The following ST14 variants were observed in gnomAD, a reference collection of about 807,000 sequenced individuals.
The protein encoded by ST14 is suppressor of tumorigenicity 14 protein.
ST14 carries 40 observed loss-of-function variants against 96.5 expected under a neutral mutation model. That is an observed-to-expected ratio of 0.41 (90% confidence interval 0.32 to 0.54). The LOEUF (loss-of-function observed/expected upper bound fraction) is 0.54, where lower values mean the gene tolerates loss of function less well. ST14 is among the 20% of genes least tolerant of loss of function. ST14 has a pLI of 0.17. For synonymous variants in ST14, 506 were observed against 492.1 expected (o/e 1.03, Z -0.37); for missense variants, 1,066 against 1,188.9 (o/e 0.90, Z 1.52).
chr11:130,194,752 G>A lies in ST14; in HGVS notation c.1113+15G>A, dbSNP rs597661. The A allele has an allele frequency of 0.82, 1,321,655 of 1,613,186 alleles. 543,596 individuals carry two copies. The highest frequency in any genetic ancestry group is 0.95 in the East Asian group (42,657 of 44,864). ...GGAACATTGAGGTAGGAGCTATGGG[G>A]CGTGTGAACGTGTGTGTGTGTGAGC... On this transcript the variant is annotated intron_variant, in intron 9 of 18. Transcript: ENST00000278742.
intron 18 of ST14, 38 bp downstream of exon 18, chr11:130,209,616 G>A: frequency 6.3e-7 from 1 of 1,577,982 alleles, no homozygotes. Flanking sequence ...GTGGGCCCCG[G>A]GAGAGGCGGG....
At chr11:130,202,138 A>C (rs372029696) in intron 16 of ST14, among the ~76,000 whole-genome samples, 2 of 152,206 alleles carry the variant, frequency 1.3e-5, no homozygotes, top group Admixed American at 1.3e-4. Context: ...AGAGCTAGGA[A>C]ATGGCTGGGT....
chr11:130,161,810 G>A (rs1267144441), intron 1 of ST14, among the ~76,000 whole-genome samples: 1 of 152,198 alleles, frequency 6.6e-6, no homozygotes, highest in Non-Finnish European at 1.5e-5. Context: ...ATGGGTGAAG[G>A]GAAGGCTCTC....
rs191509235 is a variant in ST14, at chr11:130,183,477, G to A, written c.82-4637G>A. ...AGTCCCAGCTACTCAGGAGGCTGAT[G>A]CAGGAGGATTGCTTGAGCCAAGAAT... is the stretch of plus-strand genomic sequence containing the variant. On this transcript the variant is annotated intron_variant, in intron 1 of 18. Transcript: ENST00000278742. Among the ~76,000 whole-genome samples the A allele has an allele frequency of 1.7e-3, 264 of 151,424 alleles. 2 individuals carry two copies. The highest frequency in any genetic ancestry group is 3.1e-3 in the Non-Finnish European group (210 of 67,948).
At position 130,187,741 on chromosome 11, in the gene ST14, C is replaced by T. The variant is rs535767671; in HGVS notation, c.82-373C>T. 3.4e-4 allele frequency among the ~76,000 whole-genome samples: 52 copies of T among 152,086 alleles called. 1 individual carries two copies. The highest frequency in any genetic ancestry group is 7.1e-4 in the Non-Finnish European group (48 of 68,022). The stretch of plus-strand genomic sequence containing the variant: ...ATGGGCCTGGGCTGGGGCCACTCTC[C>T]GGGGCACCCACCTACGTCAAAGGTG... On this transcript the variant is annotated intron_variant, in intron 1 of 18. Transcript: ENST00000278742. The surrounding 1 kb of genome is among the most constrained non-coding windows in gnomAD (Gnocchi z 4.5).
rs202179387 is a variant in ST14 at position 130,194,651 on chromosome 11, C to T, written c.1027C>T (p.Arg343Cys). The change falls in exon 9 of 19, where the codon CGC (arginine) becomes TGC (cysteine). Residue 343 changes from arginine to cysteine, a missense_variant. Transcript: ENST00000278742. Reference sequence around the variant, plus strand: ...ACCTTCCCTCTCAGGCTGTGGAGGCCGCTTACGTAAAGCCCAGGGGACATT... The same window carrying T: ...ACCTTCCCTCTCAGGCTGTGGAGGCTGCTTACGTAAAGCCCAGGGGACATT... ...QLPRMSSCGG[R>C]LRKAQGTFNS... The T allele has an allele frequency of 1.7e-5, 28 of 1,614,170 alleles. No homozygotes were observed. In the East Asian group the frequency reaches 2.7e-4, roughly 15 times the overall value.
intron 1 of ST14, among the ~76,000 whole-genome samples, chr11:130,163,194 G>A (rs965670991): frequency 6.6e-6 from 1 of 152,078 alleles, no homozygotes; most frequent in Non-Finnish European, 1.5e-5. Context: ...CCTCACAGAG[G>A]AGCCATCCTG....
intron 7 of ST14, among the ~76,000 whole-genome samples, chr11:130,192,432 A>T (rs1363081261): frequency 6.6e-6 from 1 of 152,242 alleles, no homozygotes; most frequent in African/African-American, 2.4e-5. Context: ...TCTGTCGCCC[A>T]GGCTGGAGTG....
At chr11:130,203,856 G>A (rs1342346078) in intron 16 of ST14, among the ~76,000 whole-genome samples, 2 of 152,182 alleles carry the variant, frequency 1.3e-5, no homozygotes, top group Non-Finnish European at 2.9e-5. Flanking sequence ...GTTTCACCAT[G>A]TTAGCCAGGC....
At chr11:130,204,047 CTTCGT>C (rs1255957521) in intron 16 of ST14, among the ~76,000 whole-genome samples, 4 of 152,210 alleles carry the variant, frequency 2.6e-5, no homozygotes, top group Admixed American at 1.3e-4. Context: ...TCATAACTCA[CTTCGT>C]TTCCGGACTC....
chr11:130,185,855 C>T lies in ST14; in HGVS notation c.82-2259C>T, dbSNP rs572193769. On this transcript the variant is annotated intron_variant, in intron 1 of 18. Coordinates refer to ENST00000278742, the MANE Select transcript of ST14 (RefSeq NM_021978.4). ...CAGAGTTTTACCCTGTCACCCAGGC[C>T]GGAGTTCAGTGGCGCAATCTCAGCT... Among the ~76,000 whole-genome samples, 11 of 152,054 alleles carry T rather than the reference C, an allele frequency of 7.2e-5. No homozygotes were observed. The South Asian group carries it at 1.0e-3, about 14-fold the overall frequency.
In ST14 at chr11:130,198,931, C is replaced by T; in HGVS notation, c.1685-16C>T. 6.2e-7 allele frequency: 1 copy of T among 1,613,814 alleles called. No individual in the cohort carries two copies. Among genetic ancestry groups the T allele is most frequent in the Non-Finnish European group, 8.5e-7 (1 of 1,179,948 alleles). Reference sequence around the variant, plus strand: ...CAGAGGAATTGAGCCCCTCCCTTGTCCTCCTCCTTGAACAGTGAACGTCGT... The same window carrying T: ...CAGAGGAATTGAGCCCCTCCCTTGTTCTCCTCCTTGAACAGTGAACGTCGT... On this transcript the variant is annotated splice_polypyrimidine_tract_variant and intron_variant, in intron 14 of 18. Coordinates refer to ENST00000278742, the MANE Select transcript of ST14 (RefSeq NM_021978.4).
At chr11:130,190,019 T>G in intron 5 of ST14, 94 bp from the exon 6 acceptor site, 5 of 1,610,942 alleles carry the variant, frequency 3.1e-6, no homozygotes, top group Non-Finnish European at 4.2e-6. Flanking sequence ...GAAGACTACG[T>G]GCTGGCCGGG....
intron 16 of ST14, among the ~76,000 whole-genome samples, chr11:130,203,076 T>A (rs1591895684): frequency 6.6e-6 from 1 of 152,108 alleles, no homozygotes; most frequent in African/African-American, 2.4e-5. Context: ...GACTTACCGA[T>A]TGGCTGGGTT....
At chr11:130,161,197 C>A (rs1238015234) in intron 1 of ST14, among the ~76,000 whole-genome samples, 1 of 152,168 alleles carries the variant, frequency 6.6e-6, no homozygotes, top group African/African-American at 2.4e-5. Context: ...CTGGGCTCTG[C>A]TATTTTCTCC....
At position 130,198,500 on chromosome 11, in the gene ST14, C is replaced by T; in HGVS notation, c.1571-8C>T. 1 of 1,613,522 alleles carries T rather than the reference C, an allele frequency of 6.2e-7. No homozygotes were observed. The highest frequency in any genetic ancestry group is 1.7e-4 in the Middle Eastern group (1 of 6,060). On this transcript the variant is annotated splice_polypyrimidine_tract_variant and splice_region_variant and intron_variant, in intron 13 of 18. Transcript: ENST00000278742. ...GCTCCTGGTGGCTGAGTCCTGGTGC[C>T]TCTCCAGGTTGTCCGGCCCAGACCT...
rs945032210 is a variant in ST14, at chr11:130,187,662, C to T, written c.82-452C>T. Among the ~76,000 whole-genome samples, 2 of 151,970 alleles carry T rather than the reference C, an allele frequency of 1.3e-5. No homozygotes were observed. The highest frequency in any genetic ancestry group is 2.1e-4 in the South Asian group (1 of 4,812). ...GATTGAATCTGGTAGGGGCTGTGTC[C>T]GAGGGAGCAGGGCCTGCTCCTAGAA... On this transcript the variant is annotated intron_variant, in intron 1 of 18. Coordinates refer to ENST00000278742, the MANE Select transcript of ST14 (RefSeq NM_021978.4). This position sits in a 1 kb window ranked among gnomAD's most constrained non-coding sequence, Gnocchi z 4.5.
chr11:130,196,837 T>C (rs1275026678), intron 11 of ST14, 137 bp downstream of exon 11: 12 of 1,356,834 alleles, frequency 8.8e-6, no homozygotes, highest in Admixed American at 3.6e-5. Context: ...CTCCCGTAGC[T>C]TTGGGAGGAA....
intron 11 of ST14, 181 bp downstream of exon 11, chr11:130,196,881 G>T: frequency 1.1e-6 from 1 of 901,084 alleles, no homozygotes; most frequent in Non-Finnish European, 1.7e-6. Context: ...ATGAAAGCAG[G>T]CTGGCTGTGA....
Sources: allele counts gnomAD v4.1 joint callset (sites outside exome capture counted in the v4.1 genomes callset), GRCh38; gene constraint gnomAD v4.1.1; non-coding constraint Gnocchi (gnomAD v3.1); transcripts MANE v1.5; gene names NCBI Gene and HGNC (gene_info 2026-07-23, HGNC 2026-07-21).